CLASP1: variants seen among roughly 807,000 people sequenced by gnomAD.
CLASP1 encodes the protein cytoplasmic linker associated protein 1.
CLASP1 carries 38 observed loss-of-function variants against 192.3 expected under a neutral mutation model. The observed-to-expected ratio is 0.20, with a 90% CI of 0.15 to 0.26. The LOEUF (loss-of-function observed/expected upper bound fraction) is 0.26. Ranked by LOEUF, CLASP1 falls within the 10% of genes least tolerant of loss-of-function variation. The pLI is 1.00. For missense variants in CLASP1, 1,433 were observed against 1,932.5 expected (o/e 0.74, Z 4.85); for synonymous variants, 691 against 712.8 (o/e 0.97, Z 0.49).
At chr2:121,514,976 A>G (rs1277805315) in intron 7 of CLASP1, among the ~76,000 whole-genome samples, 1 of 152,106 alleles carries the variant, frequency 6.6e-6, no homozygotes, top group African/African-American at 2.4e-5. Flanking sequence ...AGTCCACTCC[A>G]GTTCTATCTG....
At chr2:121,401,625 A>T (rs772596892) in exon 28 of CLASP1, 1 of 1,612,414 alleles carries the variant, frequency 6.2e-7, no homozygotes, top group South Asian at 1.1e-5. Flanking sequence ...AATCATCCTT[A>T]TGAATTATTA....
chr2:121,645,315 G>A (rs149062286), intron 1 of CLASP1, among the ~76,000 whole-genome samples: 40 of 152,312 alleles, frequency 2.6e-4, no homozygotes, highest in African/African-American at 9.4e-4. Context: ...AGGTCAATAC[G>A]TGAAAGGGAG....
chr2:121,372,108 A>G (rs888970429), intron 34 of CLASP1, among the ~76,000 whole-genome samples: 1 of 152,266 alleles, frequency 6.6e-6, no homozygotes, highest in Non-Finnish European at 1.5e-5. Flanking sequence ...ACATCAAAAC[A>G]TTGGCAAGTA....
exon 16 of CLASP1, chr2:121,450,986 T>C (rs757820358): frequency 1.3e-6 from 2 of 1,576,838 alleles, no homozygotes; most frequent in East Asian, 2.2e-5. Flanking sequence ...AATACTGATA[T>C]GTGTCTAGAT....
At chr2:121,493,074 AG>A (rs1346438419) in intron 8 of CLASP1, among the ~76,000 whole-genome samples, 1 of 152,242 alleles carries the variant, frequency 6.6e-6, no homozygotes, top group African/African-American at 2.4e-5. Flanking sequence ...TACTACTCAA[AG>A]CAATCTATAG....
At chr2:121,474,326 A>C (rs1413798904) in intron 8 of CLASP1, among the ~76,000 whole-genome samples, 1 of 152,164 alleles carries the variant, frequency 6.6e-6, no homozygotes, top group Non-Finnish European at 1.5e-5. Flanking sequence ...TATATTTTTC[A>C]AAGTTAATCA....
intron 14 of CLASP1, 42 bp from the exon 15 acceptor site, chr2:121,451,891 T>C: frequency 7.2e-7 from 1 of 1,398,198 alleles, no homozygotes; most frequent in Non-Finnish European, 9.9e-7. Flanking sequence ...AATACATATT[T>C]TAGTGAAAAT....
Position 121,537,405 on chromosome 2 carries a change from A to AG in CLASP1, c.196-7081_196-7080insC, listed in dbSNP as rs542219179. ...AGATCCTGTGTCCAAGAAAAAAAAAAAGAGAGAGAGAGAGAGAGAAGCAAT... is the reference window on the plus strand; with the variant it reads ...AGATCCTGTGTCCAAGAAAAAAAAAAGAGAGAGAGAGAGAGAGAGAAGCAAT... On this transcript the variant is annotated intron_variant, in intron 2 of 39. Transcript: ENST00000263710. Among the ~76,000 whole-genome samples, 121 of 151,202 alleles carry AG rather than the reference A, an allele frequency of 8.0e-4. No individual in the cohort carries two copies. The East Asian group carries it at 9.1e-3, about 11-fold the overall frequency.
At chr2:121,540,786 A>C (rs1162019753) in intron 2 of CLASP1, among the ~76,000 whole-genome samples, 4 of 144,486 alleles carry the variant, frequency 2.8e-5, no homozygotes, top group Middle Eastern at 3.5e-3. Context: ...GACTCCATCC[A>C]AAAAAAAAAA....
At chr2:121,469,517 C>T (rs1018693038) in intron 9 of CLASP1, among the ~76,000 whole-genome samples, 5 of 152,150 alleles carry the variant, frequency 3.3e-5, no homozygotes, top group Admixed American at 6.5e-5. Context: ...GATGAGGGTG[C>T]GCTCTTGCTC....
intron 8 of CLASP1, among the ~76,000 whole-genome samples, chr2:121,487,483 C>A (rs2093050144): frequency 6.6e-6 from 1 of 152,206 alleles, no homozygotes. Context: ...TTTATCTGCT[C>A]CAGGATCCCA....
intron 30 of CLASP1, among the ~76,000 whole-genome samples, chr2:121,388,882 G>A (rs1386184702): frequency 1.3e-5 from 2 of 152,122 alleles, no homozygotes. Flanking sequence ...AAAGACTGTA[G>A]TTTTTAAGAT....
chr2:121,596,728 C>G (rs780629874), intron 2 of CLASP1, among the ~76,000 whole-genome samples: 10 of 152,216 alleles, frequency 6.6e-5, no homozygotes, highest in Non-Finnish European at 1.3e-4. Flanking sequence ...TCATAACCCT[C>G]TTTAATCCCA....
intron 8 of CLASP1, among the ~76,000 whole-genome samples, chr2:121,472,128 C>T (rs2090857647): frequency 6.6e-6 from 1 of 152,120 alleles, no homozygotes; most frequent in South Asian, 2.1e-4. Context: ...AAATGGGAGA[C>T]ATGAAGACAC....
chr2:121,498,201 C>CTTT (rs70954551), intron 8 of CLASP1, among the ~76,000 whole-genome samples: 1 of 119,128 alleles, frequency 8.4e-6, no homozygotes, highest in African/African-American at 3.7e-5. Flanking sequence ...GTAATAGTTT[C>CTTT]TTTTTTTTTT....
Position 121,382,870 on chromosome 2 carries a change from G to A in CLASP1, c.3375-546C>T, listed in dbSNP as rs555846707. Among the ~76,000 whole-genome samples, 7 of 152,330 alleles carry A rather than the reference G, an allele frequency of 4.6e-5. No homozygotes were observed. The South Asian group carries it at 8.3e-4, about 18-fold the overall frequency. On this transcript the variant is annotated intron_variant, in intron 32 of 39. Coordinates refer to ENST00000263710, the Ensembl canonical transcript of CLASP1. ...TGGTGCTGTGATCCAGTTGGATGGC[G>A]TTCAGAGACAGCACAAGCTGTTTCC...
chr2:121,537,154 G>A (rs1304829687), intron 2 of CLASP1, among the ~76,000 whole-genome samples: 5 of 152,280 alleles, frequency 3.3e-5, no homozygotes, highest in Non-Finnish European at 7.4e-5. Context: ...CAATTTGAGA[G>A]GTCAAGGCAG....
chr2:121,504,644 C>T (rs566886021), intron 7 of CLASP1, among the ~76,000 whole-genome samples: 10 of 152,146 alleles, frequency 6.6e-5, no homozygotes, highest in Admixed American at 1.3e-4. Flanking sequence ...TGCCCAACAC[C>T]GAGCTAGTGA....
At chr2:121,648,953 A>T (rs1335972289) in intron 1 of CLASP1, among the ~76,000 whole-genome samples, 1 of 152,130 alleles carries the variant, frequency 6.6e-6, no homozygotes, top group Non-Finnish European at 1.5e-5. Flanking sequence ...TCACTCGCCA[A>T]TGACTAGTTG....
Sources: allele counts gnomAD v4.1 joint callset (sites outside exome capture counted in the v4.1 genomes callset), GRCh38; gene constraint gnomAD v4.1.1; transcripts MANE v1.5; gene names NCBI Gene and HGNC (gene_info 2026-07-23, HGNC 2026-07-21).